Variants in COX17 observed in about 807,000 individuals in gnomAD.
COX17 encodes the protein cytochrome c oxidase copper chaperone.
In COX17, 1 loss-of-function variant was observed where a neutral mutation model predicts 6.3. That is an observed-to-expected ratio of 0.16 (90% CI 0.06 to 0.75). COX17 has a LOEUF of 0.75. Ranked by LOEUF, COX17 falls within the 30% of genes least tolerant of loss-of-function variation. The pLI, the probability that COX17 is intolerant of heterozygous loss-of-function variation, is 0.77. For synonymous variants in COX17, 26 were observed against 30.5 expected (o/e 0.85, Z 0.49); for missense variants, 73 against 81.2 (o/e 0.90, Z 0.39).
In COX17 at chr3:119,675,206, A is replaced by G; in HGVS notation, c.135T>C (p.Cys45=). The G allele has an allele frequency of 6.2e-7, 1 of 1,613,120 alleles. No homozygotes were observed. The highest frequency in any genetic ancestry group is 1.3e-5 in the African/African-American group (1 of 75,036). ...ACIIEKGEEH[C]GHLIEAHKEC... ...CCTTGTGGGCCTCAATTAGATGTCCACAGTGTTCTTCTCCTTTCTCGATGA... is the reference window on the plus strand; with the variant it reads ...CCTTGTGGGCCTCAATTAGATGTCCGCAGTGTTCTTCTCCTTTCTCGATGA... Residue 45 remains cysteine (C), a synonymous_variant, in exon 2 of 3, where the codon TGT becomes TGC. Coordinates refer to ENST00000261070, the MANE Select transcript of COX17 (RefSeq NM_005694.2).
intron 1 of COX17, among the ~76,000 whole-genome samples, chr3:119,676,192 G>A (rs954932909): frequency 7.2e-5 from 11 of 152,216 alleles, no homozygotes; most frequent in African/African-American, 2.4e-4. Flanking sequence ...AACCTTGACT[G>A]TGGATCCCAG....
intron 2 of COX17, 96 bp downstream of exon 2, chr3:119,675,049 T>C: frequency 1.2e-6 from 1 of 856,810 alleles, no homozygotes; most frequent in Non-Finnish European, 1.9e-6. Flanking sequence ...ACTTAAGCAT[T>C]TTAGATTAAC....
rs1230508664 is a variant in COX17 at position 119,675,251 on chromosome 3, C to T, written c.108-18G>A. On this transcript the variant is annotated intron_variant, in intron 1 of 2. Coordinates refer to ENST00000261070, the MANE Select transcript of COX17 (RefSeq NM_005694.2). ...CGATGATACTATAAAACAAAATGTACTTGTTATCTAAATATGCATTAAGCA... is the reference window on the plus strand; with the variant it reads ...CGATGATACTATAAAACAAAATGTATTTGTTATCTAAATATGCATTAAGCA... 3 of 1,563,298 alleles carry T rather than the reference C, an allele frequency of 1.9e-6. No homozygotes were observed. Among genetic ancestry groups the T allele is most frequent in the Non-Finnish European group, 2.6e-6 (3 of 1,134,270 alleles).
chr3:119,668,858 G>A (rs1350565057), downstream of COX17, among the ~76,000 whole-genome samples: 5 of 151,908 alleles, frequency 3.3e-5, no homozygotes, highest in Admixed American at 6.6e-5. Flanking sequence ...CAGCAGCTAC[G>A]AGGATGACAA....
intron 1 of COX17, among the ~76,000 whole-genome samples, chr3:119,675,913 G>C (rs1352133244): frequency 2.0e-5 from 3 of 152,194 alleles, no homozygotes; most frequent in Non-Finnish European, 4.4e-5. Flanking sequence ...ATTTAACAAA[G>C]GGAATAGGTT....
At chr3:119,676,747 C>A (rs543599814) in intron 1 of COX17, 5 of 685,840 alleles carry the variant, frequency 7.3e-6, no homozygotes, top group African/African-American at 7.0e-5. Flanking sequence ...GTATACAAGT[C>A]ACTGGTTTAT....
At chr3:119,674,998 C>T in intron 2 of COX17, 147 bp downstream of exon 2, 1 of 617,458 alleles carries the variant, frequency 1.6e-6, no homozygotes. Flanking sequence ...AATTTACTCC[C>T]TTCATTGGGA....
chr3:119,677,388 C>A lies in COX17; in HGVS notation c.-78G>T. 8.9e-7 allele frequency: 1 copy of A among 1,123,846 alleles called. No individual in the cohort carries two copies. The highest frequency in any genetic ancestry group is 1.3e-6 in the Non-Finnish European group (1 of 755,174). 69.6% of individuals were successfully genotyped at this position (1,123,846 alleles called of 1,614,324 possible). A position where few individuals can be genotyped will look rare whatever the true frequency, so the allele number is the denominator to read the frequency against. On this transcript the variant is annotated 5_prime_UTR_variant, in exon 1 of 3. Transcript: ENST00000261070. ...CGGCAAACGCCGATTCGTCCGCAGT[C>A]ACTTCCGGCAGTCGCTCTAAAAAGT...
intron 2 of COX17, among the ~76,000 whole-genome samples, chr3:119,671,167 T>A (rs2053039933): frequency 6.6e-6 from 1 of 152,208 alleles, no homozygotes; most frequent in East Asian, 1.9e-4. Flanking sequence ...CCAGTGGTTG[T>A]TAAAGAGGAG....
At chr3:119,673,586 T>C (rs1559735428) in intron 2 of COX17, among the ~76,000 whole-genome samples, 2 of 152,060 alleles carry the variant, frequency 1.3e-5, no homozygotes, top group African/African-American at 4.8e-5. Flanking sequence ...CACAGAAAGG[T>C]CTTAGGACAG....
intron 1 of COX17, chr3:119,677,003 T>TGGGGA (rs771090370): frequency 2.0e-5 from 8 of 407,764 alleles, no homozygotes; most frequent in Admixed American, 3.7e-5. Context: ...AGCGCCGCAA[T>TGGGGA]GGGGCGGGGC....
intron 2 of COX17, among the ~76,000 whole-genome samples, chr3:119,672,767 T>C (rs563757206): frequency 6.6e-6 from 1 of 152,332 alleles, no homozygotes; most frequent in East Asian, 1.9e-4. Context: ...TGTATTATGG[T>C]TCTCTTTTTA....
In COX17 at chr3:119,677,191, G is replaced by C. The variant is rs541134728; in HGVS notation, c.107+13C>G. ...GGGCTCGTCGGCCGCGCCCTCTCCG[G>C]CTGCGCACTGACCACGCATCGCGCG... On this transcript the variant is annotated intron_variant, in intron 1 of 2. Transcript: ENST00000261070. 1.2e-6 allele frequency: 2 copies of C among 1,602,214 alleles called. No individual in the cohort carries two copies. The highest frequency in any genetic ancestry group is 2.7e-5 in the African/African-American group (2 of 74,634).
In COX17 at chr3:119,674,825, A is replaced by AGTCCCAC. The variant is rs1577180378; in HGVS notation, c.*4+313_*4+319dup. ...AAAAAAAAAAAAAAGCATTTACTGA[A>AGTCCCAC]GTCCCACAATATTTATTAGAAACAA... On this transcript the variant is annotated intron_variant, in intron 2 of 2. Coordinates refer to ENST00000261070, the MANE Select transcript of COX17 (RefSeq NM_005694.2). The AGTCCCAC allele has an allele frequency of 5.0e-5, 11 of 221,800 alleles. No homozygotes were observed. The East Asian group carries it at 1.1e-3, about 23-fold the overall frequency. The allele number at this position is 221,800 out of a possible 1,614,324, so 13.7% of individuals were successfully genotyped here. A position where few individuals can be genotyped will look rare whatever the true frequency, so the allele number is the denominator to read the frequency against.
chr3:119,672,395 G>A (rs1316701849), intron 2 of COX17, among the ~76,000 whole-genome samples: 1 of 152,070 alleles, frequency 6.6e-6, no homozygotes, highest in East Asian at 1.9e-4. Context: ...TATAACAATT[G>A]TACCACCTTT....
chr3:119,676,076 C>T (rs561617479), intron 1 of COX17, among the ~76,000 whole-genome samples: 211 of 152,316 alleles, frequency 1.4e-3, no homozygotes, highest in South Asian at 3.7e-3. Context: ...CTTGACATGG[C>T]TTGTATCATT....
downstream of COX17, among the ~76,000 whole-genome samples, chr3:119,666,696 A>G (rs1443147946): frequency 1.3e-5 from 2 of 151,956 alleles, no homozygotes; most frequent in African/African-American, 4.8e-5. Context: ...ACTCTTTACT[A>G]CTCTGTATAG....
chr3:119,664,871 TAC>T (rs1396741977), downstream of COX17, among the ~76,000 whole-genome samples: 2 of 152,194 alleles, frequency 1.3e-5, no homozygotes, highest in Admixed American at 6.5e-5. Context: ...CTTCACCACA[TAC>T]AGTTTGAGAA....
chr3:119,677,115 G>T, intron 1 of COX17, 89 bp downstream of exon 1: 1 of 988,670 alleles, frequency 1.0e-6, no homozygotes, highest in Non-Finnish European at 1.6e-6. Context: ...GCAGAAGGCA[G>T]AGGGCAGAGG....
Sources: allele counts gnomAD v4.1 joint callset (sites outside exome capture counted in the v4.1 genomes callset), GRCh38; gene constraint gnomAD v4.1.1; transcripts MANE v1.5; gene names NCBI Gene and HGNC (gene_info 2026-07-23, HGNC 2026-07-21).